SPATA4: variants seen among roughly 807,000 people sequenced by gnomAD.
SPATA4 encodes the protein spermatogenesis associated 4.
A neutral mutation model predicts 31.8 loss-of-function variants in SPATA4; 35 were observed. The observed-to-expected ratio is 1.10, with a 90% confidence interval of 0.84 to 1.46. The LOEUF (loss-of-function observed/expected upper bound fraction) is 1.46. Among genes scored for constraint, SPATA4 ranks in the 40% most tolerant of loss-of-function variants. The probability of loss-of-function intolerance (pLI) is 0.00; values close to 1 mark genes in which losing one functional copy is unlikely to be tolerated. For missense variants in SPATA4, 394 were observed against 363.1 expected (o/e 1.09, Z -0.69); for synonymous variants, 126 against 132.4 (o/e 0.95, Z 0.33).
chr4:176,192,623 T>C lies in SPATA4; in HGVS notation c.688+4A>G. On this transcript the variant is annotated splice_donor_region_variant and intron_variant, in intron 4 of 5. Coordinates refer to ENST00000280191, the MANE Select transcript of SPATA4 (RefSeq NM_144644.4). ...GAACTCAGCTGTTTCAAAGGAAAAC[T>C]TACCTGGATTCAATTTTCTGCCTAA... 1 of 1,613,332 alleles carries C rather than the reference T, an allele frequency of 6.2e-7. No individual in the cohort carries two copies. Among genetic ancestry groups the C allele is most frequent in the Non-Finnish European group, 8.5e-7 (1 of 1,179,370 alleles).
chr4:176,195,296 G>A, intron 1 of SPATA4, 49 bp downstream of exon 1: 2 of 1,595,880 alleles, frequency 1.3e-6, no homozygotes, highest in Non-Finnish European at 1.7e-6. Context: ...GCGGCGGAAA[G>A]CAGGCGGGGC....
rs774667907 is a variant in SPATA4 at position 176,193,500 on chromosome 4, C to T, written c.301G>A (p.Gly101Arg). The T allele has an allele frequency of 5.6e-6, 9 of 1,613,558 alleles. No homozygotes were observed. The highest frequency in any genetic ancestry group is 2.2e-5 in the South Asian group (2 of 91,052). The stretch of plus-strand genomic sequence containing the variant: ...TCCAACTTGACTTTTAAAGAGGTCC[C>T]GTTTTCAAAGGATGATAATTCAAGT... Reference protein sequence around the residue: ...WELELSSFENGTSLKVKLDNW... With the variant: ...WELELSSFENRTSLKVKLDNW... Residue 101 changes from glycine (G) to arginine (R), a missense_variant, in exon 2 of 6, where the codon GGG becomes AGG. Physicochemically the swap from Gly to Arg is moderately radical, Grantham distance 125 (BLOSUM62 -2). Transcript: ENST00000280191.
chr4:176,194,366 A>T (rs1310679916), intron 1 of SPATA4: 1 of 123,088 alleles, frequency 8.1e-6, no homozygotes, highest in East Asian at 2.7e-4. Flanking sequence ...AAACTGAAAA[A>T]CTTTCAGCCA....
intron 2 of SPATA4, 53 bp from the exon 3 acceptor site, chr4:176,193,129 C>G: frequency 8.5e-7 from 1 of 1,176,174 alleles, no homozygotes; most frequent in Non-Finnish European, 1.2e-6. Flanking sequence ...ATAAAAATCT[C>G]CAAGTACTAT....
chr4:176,190,796 A>C (rs1752515824), intron 4 of SPATA4, among the ~76,000 whole-genome samples: 1 of 152,142 alleles, frequency 6.6e-6, no homozygotes, highest in South Asian at 2.1e-4. Flanking sequence ...CAGCTGAAGA[A>C]AGATCTCTGC....
At chr4:176,193,171 A>G in intron 2 of SPATA4, 95 bp from the exon 3 acceptor site, 1 of 884,544 alleles carries the variant, frequency 1.1e-6, no homozygotes, top group South Asian at 1.8e-5. Flanking sequence ...TTATTTACCT[A>G]TGAAGTAATT....
At chr4:176,191,095 GATT>G (rs1417612861) in intron 4 of SPATA4, among the ~76,000 whole-genome samples, 2 of 87,986 alleles carry the variant, frequency 2.3e-5, no homozygotes, top group African/African-American at 8.0e-5. Flanking sequence ...AGTATGTATA[GATT>G]TTTTTTTTTT....
intron 4 of SPATA4, among the ~76,000 whole-genome samples, chr4:176,188,653 T>C (rs1016561515): frequency 2.0e-5 from 3 of 152,232 alleles, no homozygotes; most frequent in African/African-American, 7.2e-5. Flanking sequence ...AATGCTATCC[T>C]GACTTCTATC....
chr4:176,190,585 G>A (rs1277286119), intron 4 of SPATA4, among the ~76,000 whole-genome samples: 1 of 152,144 alleles, frequency 6.6e-6, no homozygotes. Flanking sequence ...CAGCTCTTTG[G>A]CAGAATGCAG....
At chr4:176,191,621 C>G (rs1752534328) in intron 4 of SPATA4, among the ~76,000 whole-genome samples, 1 of 152,022 alleles carries the variant, frequency 6.6e-6, no homozygotes, top group Admixed American at 6.5e-5. Flanking sequence ...AATATCACAG[C>G]AAAATTTTAA....
chr4:176,193,616 G>A (rs1752568250), intron 1 of SPATA4, 34 bp from the exon 2 acceptor site: 4 of 1,557,992 alleles, frequency 2.6e-6, no homozygotes, highest in Non-Finnish European at 3.5e-6. Context: ...GAAATAAAGT[G>A]TAGTTAATTA....
intron 4 of SPATA4, among the ~76,000 whole-genome samples, chr4:176,190,856 A>G (rs112653279): frequency 6.2e-4 from 94 of 152,040 alleles, no homozygotes; most frequent in African/African-American, 2.1e-3. Context: ...AAGCCAGCAA[A>G]CACACCCTAT....
chr4:176,187,620 T>TA (rs1192634980), intron 5 of SPATA4, among the ~76,000 whole-genome samples: 1 of 152,120 alleles, frequency 6.6e-6, no homozygotes, highest in Admixed American at 6.5e-5. Flanking sequence ...AGAAAAAAAG[T>TA]AAAAACTATT....
At position 176,188,193 on chromosome 4, in the gene SPATA4, T is replaced by C; in HGVS notation, c.731A>G (p.Asn244Ser). 1.9e-6 allele frequency: 3 copies of C among 1,613,210 alleles called. No homozygotes were observed. The highest frequency in any genetic ancestry group is 1.1e-5 in the South Asian group (1 of 90,754). Residue 244 changes from asparagine (N) to serine (S), a missense_variant, in exon 5 of 6, where the codon AAT becomes AGT. By Grantham distance (46) the Asn-to-Ser change is conservative. Coordinates refer to ENST00000280191, the MANE Select transcript of SPATA4 (RefSeq NM_144644.4). Reference sequence around the variant, plus strand: ...CCCAGAGGCTTGGGCAGGAAGGTGATTGAGAGTAACTTCTCCCACTGTTGG... The same window carrying C: ...CCCAGAGGCTTGGGCAGGAAGGTGACTGAGAGTAACTTCTCCCACTGTTGG... Reference protein sequence around the residue: ...VKPTVGEVTLNHLPAQASGRR... With the variant: ...VKPTVGEVTLSHLPAQASGRR...
At chr4:176,186,775 C>T (rs778876922) in intron 5 of SPATA4, among the ~76,000 whole-genome samples, 26 of 152,066 alleles carry the variant, frequency 1.7e-4, no homozygotes, top group Non-Finnish European at 2.5e-4. Context: ...GCTTCTCTCC[C>T]CTTTAATATT....
chr4:176,193,339 G>T, intron 2 of SPATA4, 114 bp downstream of exon 2: 2 of 1,311,186 alleles, frequency 1.5e-6, no homozygotes, highest in Admixed American at 2.4e-5. Flanking sequence ...GGAACAAGCT[G>T]CCAACTCAGT....
chr4:176,185,565 C>A lies in SPATA4; in HGVS notation c.806-673G>T, dbSNP rs17062566. Among the ~76,000 whole-genome samples, 1,292 of 152,240 alleles carry A rather than the reference C, an allele frequency of 8.5e-3. 15 individuals carry two copies. Among genetic ancestry groups the A allele is most frequent in the African/African-American group, 0.03 (1,235 of 41,518 alleles). Reference sequence around the variant, plus strand: ...AATCTTAGATGGTAAAACAGAGTTACGTTCCTACAGTCTAGTGTTTTTGCT... The same window carrying A: ...AATCTTAGATGGTAAAACAGAGTTAAGTTCCTACAGTCTAGTGTTTTTGCT... On this transcript the variant is annotated intron_variant, in intron 5 of 5. Transcript: ENST00000280191.
rs1752409068 is a variant in SPATA4, at chr4:176,184,635, G to T, written c.*145C>A. 6.9e-6 allele frequency: 3 copies of T among 434,180 alleles called. No homozygotes were observed. The East Asian group carries it at 1.1e-4, about 15-fold the overall frequency. 26.9% of individuals were successfully genotyped at this position (434,180 alleles called of 1,614,324 possible). ...TAGGAGTTTAATAAACAAATTGAATGGAAAAGAAATGTTCTTTAACACAAT... is the reference window on the plus strand; with the variant it reads ...TAGGAGTTTAATAAACAAATTGAATTGAAAAGAAATGTTCTTTAACACAAT... On this transcript the variant is annotated 3_prime_UTR_variant, in exon 6 of 6. Coordinates refer to ENST00000280191, the MANE Select transcript of SPATA4 (RefSeq NM_144644.4).
chr4:176,185,055 T>G (rs1000495002), intron 5 of SPATA4, among the ~76,000 whole-genome samples, 163 bp from the exon 6 acceptor site: 3 of 152,124 alleles, frequency 2.0e-5, no homozygotes, highest in African/African-American at 7.2e-5. Flanking sequence ...AATCACGCAT[T>G]ATAGTACTCA....
Sources: allele counts gnomAD v4.1 joint callset (sites outside exome capture counted in the v4.1 genomes callset), GRCh38; gene constraint gnomAD v4.1.1; transcripts MANE v1.5; gene names NCBI Gene and HGNC (gene_info 2026-07-23, HGNC 2026-07-21).